The following MAGI2 variants were observed in gnomAD, a reference collection of about 807,000 sequenced individuals.
MAGI2 encodes membrane-associated guanylate kinase, WW and PDZ domain-containing protein 2.
A neutral mutation model predicts 133.3 loss-of-function variants in MAGI2; 35 were observed. The ratio of observed to expected loss-of-function variants is 0.26; its 90% CI spans 0.20 to 0.35. MAGI2 has a LOEUF of 0.35. Among genes scored for constraint, MAGI2 ranks in the 10% least tolerant of loss-of-function variants. The probability of loss-of-function intolerance (pLI) is 1.00; values close to 1 mark genes in which losing one functional copy is unlikely to be tolerated. For missense variants in MAGI2, 1,636 were observed against 1,863.4 expected (o/e 0.88, Z 2.25); for synonymous variants, 729 against 710.6 (o/e 1.03, Z -0.41).
At chr7:78,057,705 G>A (rs1010665118) in intron 21 of MAGI2, among the ~76,000 whole-genome samples, 2 of 152,036 alleles carry the variant, frequency 1.3e-5, no homozygotes, top group South Asian at 2.1e-4. Context: ...ATGCCTTGGA[G>A]CTTTGGATGT....
At chr7:78,332,642 G>A (rs2151155882) in intron 9 of MAGI2, among the ~76,000 whole-genome samples, 1 of 149,162 alleles carries the variant, frequency 6.7e-6, no homozygotes, top group East Asian at 2.0e-4. Context: ...AGCTTGCAGT[G>A]AGCCAAGATC....
chr7:79,061,115 A>T (rs957558066), intron 1 of MAGI2, among the ~76,000 whole-genome samples: 2 of 152,086 alleles, frequency 1.3e-5, no homozygotes, highest in African/African-American at 4.8e-5. Flanking sequence ...TGGATGGAAG[A>T]TTATGCAAGT....
At chr7:79,218,751 C>T (rs1585233310) in intron 1 of MAGI2, among the ~76,000 whole-genome samples, 1 of 152,082 alleles carries the variant, frequency 6.6e-6, no homozygotes, top group African/African-American at 2.4e-5. Flanking sequence ...TAAAGAGGAC[C>T]CAATGTAACA....
rs372758132 is a variant in MAGI2, at chr7:78,363,935, A to T, written c.1103+5221T>A. On this transcript the variant is annotated intron_variant, in intron 7 of 21. Transcript: ENST00000354212. ...AGATTAAATCAGCTAGTACATGTAA[A>T]TCACTTAGAATAATACTTGGCATGC... is the stretch of plus-strand genomic sequence containing the variant. 3.6e-4 allele frequency among the ~76,000 whole-genome samples: 55 copies of T among 152,370 alleles called. No individual in the cohort carries two copies. In the South Asian group the frequency reaches 0.011, roughly 29 times the overall value.
intron 21 of MAGI2, among the ~76,000 whole-genome samples, chr7:78,027,365 C>T (rs1470229489): frequency 3.9e-5 from 6 of 152,034 alleles, no homozygotes; most frequent in African/African-American, 1.4e-4. Flanking sequence ...CGGTGGCTCA[C>T]ACCTGTAATC....
chr7:78,855,393 A>T (rs1368970504), intron 2 of MAGI2, among the ~76,000 whole-genome samples: 4 of 152,226 alleles, frequency 2.6e-5, no homozygotes, highest in South Asian at 4.1e-4. Flanking sequence ...TCCTAATGCT[A>T]TCCCTTCTCC....
At chr7:79,298,791 G>C (rs1315810533) in intron 1 of MAGI2, among the ~76,000 whole-genome samples, 2 of 152,072 alleles carry the variant, frequency 1.3e-5, no homozygotes, top group Non-Finnish European at 1.5e-5. Flanking sequence ...TAATTCTACA[G>C]GACTAGTGTA....
At chr7:78,090,228 T>C (rs1817052250) in intron 20 of MAGI2, among the ~76,000 whole-genome samples, 1 of 152,246 alleles carries the variant, frequency 6.6e-6, no homozygotes. Context: ...GCCTCTCTTA[T>C]AGCACTTACA....
chr7:78,507,090 T>C (rs1795155213), intron 4 of MAGI2, among the ~76,000 whole-genome samples: 1 of 152,210 alleles, frequency 6.6e-6, no homozygotes, highest in South Asian at 2.1e-4. Context: ...GTGTGTAAGA[T>C]ACTTGACAAG....
chr7:78,114,312 A>G (rs185537465), intron 20 of MAGI2, among the ~76,000 whole-genome samples: 1 of 152,290 alleles, frequency 6.6e-6, no homozygotes, highest in African/African-American at 2.4e-5. Flanking sequence ...TCATGCACCA[A>G]TGACTGGAGT....
intron 2 of MAGI2, among the ~76,000 whole-genome samples, chr7:78,877,355 A>G (rs1795509872): frequency 1.3e-5 from 2 of 152,250 alleles, no homozygotes; most frequent in Non-Finnish European, 2.9e-5. Context: ...ACTCAAGTGT[A>G]TTCAAGTAAG....
intron 6 of MAGI2, among the ~76,000 whole-genome samples, chr7:78,472,949 G>A (rs892313454): frequency 2.0e-5 from 3 of 152,084 alleles, no homozygotes; most frequent in African/African-American, 7.2e-5. Flanking sequence ...GTCACCAACT[G>A]AGGAACCACA....
At chr7:78,815,806 C>A (rs902510331) in intron 2 of MAGI2, among the ~76,000 whole-genome samples, 1 of 152,150 alleles carries the variant, frequency 6.6e-6, no homozygotes, top group African/African-American at 2.4e-5. Context: ...GTCTCTCTCC[C>A]TCTCTTTGTG....
chr7:78,775,203 C>T (rs1311926606), intron 2 of MAGI2, among the ~76,000 whole-genome samples: 10 of 151,430 alleles, frequency 6.6e-5, no homozygotes, highest in Non-Finnish European at 1.3e-4. Flanking sequence ...GTCCCAGCTA[C>T]TCGGGAGGCT....
intron 4 of MAGI2, among the ~76,000 whole-genome samples, chr7:78,512,062 G>A (rs1033711309): frequency 6.6e-6 from 1 of 151,974 alleles, no homozygotes; most frequent in African/African-American, 2.4e-5. Flanking sequence ...GGCGGAGCTT[G>A]CGGTGAGCGG....
At chr7:78,744,416 A>G (rs1019305047) in intron 2 of MAGI2, among the ~76,000 whole-genome samples, 5 of 152,010 alleles carry the variant, frequency 3.3e-5, no homozygotes, top group Admixed American at 2.6e-4. Flanking sequence ...ATTTAGTTTC[A>G]TTTGCAAATT....
At chr7:79,345,010 C>T (rs1040891858) in intron 1 of MAGI2, among the ~76,000 whole-genome samples, 2 of 152,008 alleles carry the variant, frequency 1.3e-5, no homozygotes, top group African/African-American at 4.8e-5. Context: ...TGCAGGTTGA[C>T]TCCAAGAATG....
At chr7:79,147,300 T>A (rs1221675576) in intron 1 of MAGI2, among the ~76,000 whole-genome samples, 1 of 152,220 alleles carries the variant, frequency 6.6e-6, no homozygotes, top group Non-Finnish European at 1.5e-5. Context: ...GAAAATAATA[T>A]ATGAAGTAAT....
Position 78,303,535 on chromosome 7 carries a change from G to A in MAGI2, c.1408+40243C>T, listed in dbSNP as rs138904421. Among the ~76,000 whole-genome samples, 556 of 152,056 alleles carry A rather than the reference G, an allele frequency of 3.7e-3. 3 individuals are homozygous for A. The highest frequency in any genetic ancestry group is 4.0e-3 in the Non-Finnish European group (273 of 67,984). On this transcript the variant is annotated intron_variant, in intron 9 of 21. Coordinates refer to ENST00000354212, the MANE Select transcript of MAGI2 (RefSeq NM_012301.4). ...CATTTTTATAGTTCCAAATGAAAGC[G>A]TTGGAACTGTCTTTAACAACCTTTT...
Sources: allele counts gnomAD v4.1 joint callset (sites outside exome capture counted in the v4.1 genomes callset), GRCh38; gene constraint gnomAD v4.1.1; transcripts MANE v1.5; gene names NCBI Gene and HGNC (gene_info 2026-07-23, HGNC 2026-07-21).